RSU1: variants seen among roughly 807,000 people sequenced by gnomAD.
The protein encoded by RSU1 is Ras suppressor protein 1, also known as rsu-1.
RSU1 carries 26 observed loss-of-function variants against 31.1 expected under a neutral mutation model. The observed-to-expected ratio is 0.84, with a 90% CI of 0.61 to 1.16. The LOEUF (loss-of-function observed/expected upper bound fraction) is 1.16, where lower values mean the gene tolerates loss of function less well. RSU1 is among the 50% of genes most tolerant of loss of function. The pLI, the probability that RSU1 is intolerant of heterozygous loss-of-function variation, is 0.00. For missense variants in RSU1, 320 were observed against 339.1 expected, an observed-to-expected ratio of 0.94 and a Z score of 0.44; for synonymous variants, 164 against 136.3, an observed-to-expected ratio of 1.20 and a Z score of -1.41.
chr10:16,817,005 C>T lies in RSU1; in HGVS notation c.77G>A (p.Gly26Asp), dbSNP rs769119329. The change falls in exon 2 of 9, where the codon GGC becomes GAC. Residue 26 changes from glycine (G) to aspartate (D), a missense_variant. Gly to Asp is a moderately conservative substitution (Grantham distance 94). Transcript: ENST00000345264. ...GTTGACATCCAGCATGTTGGAGATG[C>T]CCCGGTCACTCATGTCCACCTCGGG... ...NQPEVDMSDR[G>D]ISNMLDVNGL... is the part of the protein sequence containing the mutation. 5 of 1,613,942 alleles carry T rather than the reference C, an allele frequency of 3.1e-6. 1 individual carries two copies. The African/African-American group carries it at 4.0e-5, about 13-fold the overall frequency.
At chr10:16,728,622 C>T (rs77816753) in intron 7 of RSU1, among the ~76,000 whole-genome samples, 6 of 152,320 alleles carry the variant, frequency 3.9e-5, no homozygotes, top group African/African-American at 1.4e-4. Context: ...TCCCTGGAAC[C>T]TGCGCATATC....
chr10:16,784,745 C>A lies in RSU1; in HGVS notation c.110-2661G>T, dbSNP rs151257301. ...GGGAACTCCCCTTCATAAAACCATT[C>A]GATCTCGTGAGACTTATTCACTATA... On this transcript the variant is annotated intron_variant, in intron 2 of 8. Coordinates refer to ENST00000345264, the MANE Select transcript of RSU1 (RefSeq NM_012425.4). Among the ~76,000 whole-genome samples the A allele has an allele frequency of 2.8e-3, 433 of 152,250 alleles. 3 individuals are homozygous for A. Among genetic ancestry groups the A allele is most frequent in the African/African-American group, 9.7e-3 (405 of 41,552 alleles).
chr10:16,764,335 G>A (rs937223067), intron 4 of RSU1, 55 bp downstream of exon 4: 26 of 1,525,056 alleles, frequency 1.7e-5, no homozygotes, highest in African/African-American at 6.9e-5. Flanking sequence ...GGCCTTACCC[G>A]GCATGCCCCT....
intron 7 of RSU1, among the ~76,000 whole-genome samples, chr10:16,704,506 A>G (rs1449053750): frequency 6.6e-6 from 1 of 152,218 alleles, no homozygotes. Flanking sequence ...CATGACACTT[A>G]ACAGATTTTC....
At chr10:16,763,498 G>A (rs993095908) in intron 4 of RSU1, among the ~76,000 whole-genome samples, 16 of 152,192 alleles carry the variant, frequency 1.1e-4, no homozygotes, top group African/African-American at 3.6e-4. Flanking sequence ...AGTACCAAGA[G>A]GGGATAGTGC....
rs76344746 is a variant in RSU1, at chr10:16,593,616, A to C, written c.732-120T>G. On this transcript the variant is annotated intron_variant, in intron 8 of 8. Transcript: ENST00000345264. ...AATATTCAGTAAGCCAAAGAAAACC[A>C]AAAGATCACTTCTGTGTTCTCTGGG... The C allele has an allele frequency of 1.1e-3, 886 of 771,174 alleles. 7 individuals carry two copies. In the African/African-American group the frequency reaches 0.014, roughly 12 times the overall value. 47.8% of individuals were successfully genotyped at this position (771,174 alleles called of 1,614,324 possible).
chr10:16,676,626 A>G (rs1835237867), intron 8 of RSU1, among the ~76,000 whole-genome samples: 2 of 152,168 alleles, frequency 1.3e-5, no homozygotes, highest in Non-Finnish European at 2.9e-5. Flanking sequence ...TTTGTACTCT[A>G]TTTACCAGTG....
At chr10:16,667,075 G>A (rs751650042) in intron 8 of RSU1, among the ~76,000 whole-genome samples, 1 of 151,934 alleles carries the variant, frequency 6.6e-6, no homozygotes, top group Non-Finnish European at 1.5e-5. Context: ...AAAAAAACAA[G>A]TTATCTGTTA....
At chr10:16,718,137 G>C (rs116612265) in intron 7 of RSU1, among the ~76,000 whole-genome samples, 5,159 of 139,170 alleles carry the variant, frequency 0.037, 300 homozygotes, top group African/African-American at 0.13. Flanking sequence ...AAAAGAAAAA[G>C]AAATAGAGCT....
At chr10:16,700,325 G>A (rs1276745683) in intron 7 of RSU1, among the ~76,000 whole-genome samples, 1 of 151,912 alleles carries the variant, frequency 6.6e-6, no homozygotes. Context: ...CTAAGATTGT[G>A]GTCTAACAAG....
intron 8 of RSU1, among the ~76,000 whole-genome samples, chr10:16,640,982 T>G (rs926168340): frequency 6.6e-6 from 1 of 152,220 alleles, no homozygotes; most frequent in Non-Finnish European, 1.5e-5. Flanking sequence ...AGAAGGCTTG[T>G]AGTATCATTG....
chr10:16,788,425 G>A (rs1837841429), intron 2 of RSU1, among the ~76,000 whole-genome samples: 1 of 152,140 alleles, frequency 6.6e-6, no homozygotes, highest in African/African-American at 2.4e-5. Context: ...CCTCATGAAT[G>A]AGGTTAAGTG....
chr10:16,794,766 T>C (rs78645252), intron 2 of RSU1, among the ~76,000 whole-genome samples: 2,970 of 152,322 alleles, frequency 0.019, 81 homozygotes, highest in East Asian at 0.082. Context: ...GAATGTCCTT[T>C]ATGACAGCAA....
chr10:16,650,576 C>CT (rs139231306), intron 8 of RSU1, among the ~76,000 whole-genome samples: 4,408 of 112,516 alleles, frequency 0.039, 176 homozygotes, highest in Non-Finnish European at 0.056. Context: ...TCCTGAAAAG[C>CT]TTTTTTTTTT....
intron 7 of RSU1, among the ~76,000 whole-genome samples, chr10:16,695,413 G>T (rs1189187471): frequency 6.6e-6 from 1 of 152,142 alleles, no homozygotes; most frequent in African/African-American, 2.4e-5. Flanking sequence ...AGGGAAGGAG[G>T]TATTTGCTGC....
intron 8 of RSU1, among the ~76,000 whole-genome samples, chr10:16,662,526 CAT>C (rs1170733696): frequency 6.6e-6 from 1 of 152,162 alleles, no homozygotes; most frequent in Non-Finnish European, 1.5e-5. Flanking sequence ...TCCTTATAAA[CAT>C]ATTGTAGCCT....
intron 7 of RSU1, among the ~76,000 whole-genome samples, chr10:16,745,092 G>A (rs1836824245): frequency 6.6e-6 from 1 of 152,120 alleles, no homozygotes; most frequent in Non-Finnish European, 1.5e-5. Context: ...GGTGGGGCTG[G>A]GGTGACCTCT....
Position 16,592,981 on chromosome 10 carries a change from TTTTAA to T in RSU1, c.*408_*412del, listed in dbSNP as rs1833535448. The T allele has an allele frequency of 6.5e-6, 1 of 154,778 alleles. No individual in the cohort carries two copies. Among genetic ancestry groups the T allele is most frequent in the African/African-American group, 2.4e-5 (1 of 41,210 alleles). 9.6% of individuals were successfully genotyped at this position (154,778 alleles called of 1,614,324 possible). A position where few individuals can be genotyped will look rare whatever the true frequency, so the allele number is the denominator to read the frequency against. On this transcript the variant is annotated 3_prime_UTR_variant, in exon 9 of 9. Coordinates refer to ENST00000345264, the MANE Select transcript of RSU1 (RefSeq NM_012425.4). Reference sequence around the variant, plus strand: ...GCATATCTCGGTGGTGAAGGAAGACTTTTAATAAAGCAAAATAATGAGTTAGGTGA... The same window carrying T: ...GCATATCTCGGTGGTGAAGGAAGACTTAAAGCAAAATAATGAGTTAGGTGA...
intron 8 of RSU1, among the ~76,000 whole-genome samples, chr10:16,614,699 C>G (rs1051718533): frequency 8.6e-5 from 13 of 151,934 alleles, no homozygotes; most frequent in African/African-American, 2.4e-4. Flanking sequence ...TTGATATGCA[C>G]CAGAAGACAA....
Sources: gnomAD v4.1 joint callset for allele counts (sites outside exome capture counted in the v4.1 genomes callset) on GRCh38, gnomAD v4.1.1 for gene constraint, MANE v1.5 for transcripts, NCBI Gene and HGNC (gene_info 2026-07-23, HGNC 2026-07-21) for gene names.